The following RBM20 variants were observed in gnomAD, a reference collection of about 807,000 sequenced individuals.
RBM20 encodes RNA binding motif protein 20, also known as RNA-binding protein 20.
RBM20 carries 51 observed loss-of-function variants against 110.1 expected under a neutral mutation model. The observed-to-expected ratio is 0.46, with a 90% CI of 0.37 to 0.59. The LOEUF is 0.59. RBM20 is among the 20% of genes least tolerant of loss of function. The pLI, the probability that RBM20 is intolerant of heterozygous loss-of-function variation, is 0.00. For missense variants in RBM20, 1,512 were observed against 1,574.9 expected (o/e 0.96, Z 0.68); for synonymous variants, 589 against 618.2 (o/e 0.95, Z 0.70).
chr10:110,684,055 T>C (rs1339189215), intron 1 of RBM20, among the ~76,000 whole-genome samples: 2 of 152,212 alleles, frequency 1.3e-5, no homozygotes, highest in Non-Finnish European at 2.9e-5. Context: ...AAGAAAGTCA[T>C]GGAAATAATT....
chr10:110,657,369 A>G (rs1862041095), intron 1 of RBM20, among the ~76,000 whole-genome samples: 1 of 151,528 alleles, frequency 6.6e-6, no homozygotes, highest in African/African-American at 2.4e-5. Flanking sequence ...TACTATCTCA[A>G]TGTGGTTTTG....
At chr10:110,698,098 C>T (rs1013615169) in intron 1 of RBM20, among the ~76,000 whole-genome samples, 1 of 151,942 alleles carries the variant, frequency 6.6e-6, no homozygotes, top group Non-Finnish European at 1.5e-5. Context: ...TTAGTAGAGA[C>T]GGGGTTTTAC....
intron 1 of RBM20, among the ~76,000 whole-genome samples, chr10:110,703,679 A>G (rs560272685): frequency 3.3e-4 from 50 of 152,344 alleles, no homozygotes; most frequent in Admixed American, 6.5e-4. Context: ...ACTACAGTCG[A>G]GATACTAAAT....
At chr10:110,682,922 T>A (rs1045850473) in intron 1 of RBM20, among the ~76,000 whole-genome samples, 1 of 152,242 alleles carries the variant, frequency 6.6e-6, no homozygotes, top group African/African-American at 2.4e-5. Context: ...CTCCATTTAT[T>A]ATTTGGAATT....
At chr10:110,830,913 C>G in intron 12 of RBM20, 148 bp from the exon 13 acceptor site, 1 of 709,592 alleles carries the variant, frequency 1.4e-6, no homozygotes, top group Non-Finnish European at 2.3e-6. Context: ...GAAACTGAGG[C>G]TTGGAGAAGC....
Position 110,821,566 on chromosome 10 carries a change from G to A in RBM20, c.2947G>A (p.Glu983Lys), listed in dbSNP as rs1328689976. 5 of 1,551,016 alleles carry A rather than the reference G, an allele frequency of 3.2e-6. No homozygotes were observed. The South Asian group carries it at 4.8e-5, about 15-fold the overall frequency. Residue 983 changes from glutamate to lysine, a missense_variant, in exon 11 of 14, where the codon GAA (glutamate) becomes AAA (lysine). Physicochemically the swap from Glu to Lys is moderately conservative, Grantham distance 56 (BLOSUM62 1). Coordinates refer to ENST00000369519, the MANE Select transcript of RBM20 (RefSeq NM_001134363.3). The stretch of plus-strand genomic sequence containing the variant: ...AGAAATCAGCCTCAAGTCACCCAGA[G>A]AACTGCCCTCTGCTTCCACAAGCTG... ...AAEISLKSPRELPSASTSCPS... is the reference protein window; with the variant it reads ...AAEISLKSPRKLPSASTSCPS...
intron 5 of RBM20, among the ~76,000 whole-genome samples, chr10:110,793,348 G>T (rs1021818823): frequency 6.6e-6 from 1 of 152,152 alleles, no homozygotes; most frequent in Non-Finnish European, 1.5e-5. Context: ...GATTTTATCT[G>T]CCAAAGTACT....
chr10:110,680,667 G>A (rs11195263), intron 1 of RBM20, among the ~76,000 whole-genome samples: 88,279 of 152,154 alleles, frequency 0.58, 27,834 homozygotes, highest in South Asian at 0.69. Context: ...ACCTGGGGGC[G>A]GGGAGGGTGC....
intron 1 of RBM20, among the ~76,000 whole-genome samples, chr10:110,671,046 A>G (rs953286429): frequency 1.3e-5 from 2 of 152,222 alleles, no homozygotes; most frequent in African/African-American, 4.8e-5. Flanking sequence ...TTCCCATGCC[A>G]GGAGAAAAGA....
chr10:110,667,019 T>C (rs17127719), intron 1 of RBM20, among the ~76,000 whole-genome samples: 6,378 of 152,142 alleles, frequency 0.042, 415 homozygotes, highest in African/African-American at 0.14. Flanking sequence ...GGGCTTTGGA[T>C]TGAGAGAGAT....
In RBM20 at chr10:110,797,432, C is replaced by A. The variant is rs113175557; in HGVS notation, c.1528-76C>A. 76 of 1,340,066 alleles carry A rather than the reference C, an allele frequency of 5.7e-5. No homozygotes were observed. In the African/African-American group the frequency reaches 8.4e-4, roughly 15 times the overall value. 83.0% of individuals were successfully genotyped at this position (1,340,066 alleles called of 1,614,324 possible). A position where few individuals can be genotyped will look rare whatever the true frequency, so the allele number is the denominator to read the frequency against. ...CAATCATTGTTTAGGGGAAAGATAG[C>A]CATTAAGAACGTCTGGAAGAGAGGG... On this transcript the variant is annotated intron_variant, in intron 5 of 13. Transcript: ENST00000369519.
rs1208391952 is a variant in RBM20, at chr10:110,797,659, G to C, written c.1668+11G>C. 1 of 1,551,408 alleles carries C rather than the reference G, an allele frequency of 6.4e-7. No homozygotes were observed. Among genetic ancestry groups the C allele is most frequent in the East Asian group, 2.4e-5 (1 of 40,914 alleles). On this transcript the variant is annotated intron_variant, in intron 6 of 13. Transcript: ENST00000369519. ...AAGTCGACTAATCAGGTAGGTCTGG[G>C]TACTTTCACTCCAGTGTATATGCCA...
intron 1 of RBM20, among the ~76,000 whole-genome samples, chr10:110,652,120 G>T (rs1162298945): frequency 1.3e-5 from 2 of 152,166 alleles, no homozygotes; most frequent in African/African-American, 4.8e-5. Context: ...GTAGGTATAA[G>T]GTCATGTACT....
chr10:110,680,668 G>A (rs1862410034), intron 1 of RBM20, among the ~76,000 whole-genome samples: 2 of 152,204 alleles, frequency 1.3e-5, no homozygotes, highest in Admixed American at 1.3e-4. Flanking sequence ...CCTGGGGGCG[G>A]GGAGGGTGCA....
intron 1 of RBM20, among the ~76,000 whole-genome samples, chr10:110,737,578 G>C (rs774995261): frequency 6.6e-6 from 1 of 150,934 alleles, no homozygotes; most frequent in Admixed American, 6.6e-5. Flanking sequence ...AGCCTCTGAC[G>C]ATCTTTAACA....
intron 1 of RBM20, among the ~76,000 whole-genome samples, chr10:110,724,983 G>A (rs575924134): frequency 5.9e-5 from 9 of 152,266 alleles, no homozygotes; most frequent in Admixed American, 1.3e-4. Flanking sequence ...GTAGAGAAAC[G>A]TGTGGATTGC....
intron 1 of RBM20, chr10:110,756,644 G>A (rs1189724829): frequency 6.6e-6 from 1 of 152,244 alleles, no homozygotes; most frequent in Non-Finnish European, 1.5e-5. Flanking sequence ...AAGGTAGGGA[G>A]GTGATTGTGC....
intron 12 of RBM20, among the ~76,000 whole-genome samples, chr10:110,826,854 A>G (rs1458940164): frequency 1.3e-5 from 2 of 152,022 alleles, no homozygotes; most frequent in Non-Finnish European, 2.9e-5. Context: ...CAGCCTCCCA[A>G]AGTGCTAGGA....
chr10:110,779,054 T>C (rs1205482833), intron 1 of RBM20, among the ~76,000 whole-genome samples: 1 of 152,264 alleles, frequency 6.6e-6, no homozygotes, highest in Non-Finnish European at 1.5e-5. Context: ...ATTGTGAGAT[T>C]TGGTCTTCCT....
Sources: gnomAD v4.1 joint callset for allele counts (sites outside exome capture counted in the v4.1 genomes callset) on GRCh38, gnomAD v4.1.1 for gene constraint, MANE v1.5 for transcripts, NCBI Gene and HGNC (gene_info 2026-07-23, HGNC 2026-07-21) for gene names.